Variants in TBC1D14 observed in about 807,000 individuals in gnomAD.
TBC1D14 encodes the protein TBC1 domain family member 14.
A neutral mutation model predicts 79.0 loss-of-function variants in TBC1D14; 26 were observed. The ratio of observed to expected loss-of-function variants is 0.33; its 90% CI spans 0.24 to 0.46. The LOEUF is 0.46. TBC1D14 is among the 20% of genes least tolerant of loss of function. TBC1D14 has a pLI of 1.00. For synonymous variants in TBC1D14, 394 were observed against 349.9 expected, an observed-to-expected ratio of 1.13 and a Z score of -1.40; for missense variants, 769 against 887.6, an observed-to-expected ratio of 0.87 and a Z score of 1.70.
chr4:6,951,473 C>T (rs1167873052), intron 2 of TBC1D14, among the ~76,000 whole-genome samples: 1 of 152,116 alleles, frequency 6.6e-6, no homozygotes, highest in African/African-American at 2.4e-5. Flanking sequence ...CGAGTCCAGC[C>T]TGGGCAACAT....
At chr4:6,913,624 C>T (rs186705903) in intron 1 of TBC1D14, among the ~76,000 whole-genome samples, 33 of 152,268 alleles carry the variant, frequency 2.2e-4, no homozygotes, top group African/African-American at 7.7e-4. Context: ...GATGGCATCC[C>T]GCATGCTTGG....
intron 4 of TBC1D14, among the ~76,000 whole-genome samples, chr4:6,994,802 G>T (rs1361631399): frequency 6.6e-6 from 1 of 151,342 alleles, no homozygotes; most frequent in Non-Finnish European, 1.5e-5. Context: ...AGAGCTTGCA[G>T]TGAGCCAAGA....
intron 6 of TBC1D14, 150 bp from the exon 7 acceptor site, chr4:7,000,995 C>T: frequency 1.6e-6 from 1 of 643,914 alleles, no homozygotes. Flanking sequence ...TTGATCTTTA[C>T]AGAGCCCTGG....
intron 2 of TBC1D14, among the ~76,000 whole-genome samples, chr4:6,926,793 C>G (rs531736361): frequency 2.0e-5 from 3 of 152,294 alleles, no homozygotes; most frequent in African/African-American, 7.2e-5. Context: ...AGGGCCTGGC[C>G]CACAGCAGGT....
At chr4:6,944,399 C>T (rs888016780) in intron 2 of TBC1D14, among the ~76,000 whole-genome samples, 1 of 152,150 alleles carries the variant, frequency 6.6e-6, no homozygotes, top group African/African-American at 2.4e-5. Context: ...ATGGAATTCC[C>T]CATGGGCTTC....
chr4:6,978,623 T>C (rs1351849920), intron 3 of TBC1D14, among the ~76,000 whole-genome samples: 2 of 148,232 alleles, frequency 1.3e-5, no homozygotes, highest in Non-Finnish European at 3.0e-5. Flanking sequence ...CAGGGTCCTC[T>C]GCATAGGAAA....
chr4:6,996,534 G>T, intron 5 of TBC1D14, 127 bp downstream of exon 5: 12 of 574,296 alleles, frequency 2.1e-5, no homozygotes, highest in East Asian at 3.5e-5. Context: ...TAGTCTTCCA[G>T]TAAAAAAAAA....
At chr4:6,948,819 C>T (rs1464139153) in intron 2 of TBC1D14, among the ~76,000 whole-genome samples, 4 of 151,396 alleles carry the variant, frequency 2.6e-5, no homozygotes, top group African/African-American at 4.9e-5. Context: ...TCTGCCTCAG[C>T]GTCCCAAGTA....
At position 6,982,732 on chromosome 4, in the gene TBC1D14, G is replaced by A. The variant is rs186363603; in HGVS notation, c.844-11452G>A. On this transcript the variant is annotated intron_variant, in intron 3 of 13. Transcript: ENST00000409757. ...TTGATCGCAGCACAAGTGATTGGAAGCTATCTAAATGTTTGGCAGGGAATT... is the reference window on the plus strand; with the variant it reads ...TTGATCGCAGCACAAGTGATTGGAAACTATCTAAATGTTTGGCAGGGAATT... Among the ~76,000 whole-genome samples the A allele has an allele frequency of 5.3e-5, 8 of 152,344 alleles. No individual in the cohort carries two copies. In the East Asian group the frequency reaches 1.3e-3, roughly 26 times the overall value.
chr4:6,982,857 C>T (rs539784160), intron 3 of TBC1D14, among the ~76,000 whole-genome samples: 1 of 152,268 alleles, frequency 6.6e-6, no homozygotes, highest in African/African-American at 2.4e-5. Flanking sequence ...CACACATCCT[C>T]ATAAATGCAG....
intron 1 of TBC1D14, among the ~76,000 whole-genome samples, chr4:6,911,333 C>T (rs1722972167): frequency 6.6e-6 from 1 of 152,214 alleles, no homozygotes; most frequent in Admixed American, 6.5e-5. Flanking sequence ...TCAGCTGGTA[C>T]TAAGGGAGAC....
chr4:7,013,858 C>G (rs1721020808), intron 11 of TBC1D14, among the ~76,000 whole-genome samples: 1 of 152,114 alleles, frequency 6.6e-6, no homozygotes, highest in East Asian at 1.9e-4. Flanking sequence ...ATTCTCCTGC[C>G]TCAGCCTCCC....
intron 13 of TBC1D14, among the ~76,000 whole-genome samples, chr4:7,028,031 C>T (rs918424068): frequency 2.7e-5 from 4 of 145,512 alleles, no homozygotes; most frequent in Non-Finnish European, 4.5e-5. Flanking sequence ...CACATACATG[C>T]ACACATCACA....
At chr4:6,921,393 A>G (rs1475585963) in intron 1 of TBC1D14, among the ~76,000 whole-genome samples, 1 of 152,060 alleles carries the variant, frequency 6.6e-6, no homozygotes, top group Non-Finnish European at 1.5e-5. Flanking sequence ...TTTTTTAAAG[A>G]CAGAGTCTCC....
At chr4:6,978,738 TAAAAA>T (rs59534721) in intron 3 of TBC1D14, among the ~76,000 whole-genome samples, 98 of 108,466 alleles carry the variant, frequency 9.0e-4, no homozygotes, top group African/African-American at 2.6e-3. Flanking sequence ...AATGATCAAT[TAAAAA>T]AAAAAAAAAA....
At chr4:6,931,705 A>G (rs1350171755) in intron 2 of TBC1D14, among the ~76,000 whole-genome samples, 1 of 151,960 alleles carries the variant, frequency 6.6e-6, no homozygotes, top group Non-Finnish European at 1.5e-5. Flanking sequence ...ATAATGATCC[A>G]TTTTTTGAGT....
chr4:6,922,364 CT>C (rs1425577803), intron 1 of TBC1D14, among the ~76,000 whole-genome samples: 3 of 152,196 alleles, frequency 2.0e-5, no homozygotes, highest in African/African-American at 7.2e-5. Flanking sequence ...GCCTTCTGAC[CT>C]GGGTTTGTGT....
rs1181667370 is a variant in TBC1D14 at position 6,932,691 on chromosome 4, A to G, written c.722+8580A>G. Among the ~76,000 whole-genome samples, 4 of 152,182 alleles carry G rather than the reference A, an allele frequency of 2.6e-5. No homozygotes were observed. In the South Asian group the frequency reaches 6.2e-4, roughly 24 times the overall value. ...CCAGTGGCCATTCACAGGTGCAGCC[A>G]TAGCGCAGTGTGGCCTTGAACTCCT... On this transcript the variant is annotated intron_variant, in intron 2 of 13. Transcript: ENST00000409757.
At chr4:7,027,464 C>G (rs1046192740) in intron 13 of TBC1D14, among the ~76,000 whole-genome samples, 2 of 138,724 alleles carry the variant, frequency 1.4e-5, no homozygotes, top group African/African-American at 5.5e-5. Flanking sequence ...ACAGATCACC[C>G]CCACGCACAC....
Sources: allele counts gnomAD v4.1 joint callset (sites outside exome capture counted in the v4.1 genomes callset), GRCh38; gene constraint gnomAD v4.1.1; transcripts MANE v1.5; gene names NCBI Gene and HGNC (gene_info 2026-07-23, HGNC 2026-07-21).